Variants in PFDN5 observed in about 807,000 individuals in gnomAD.
PFDN5 encodes c-myc binding protein.
A neutral mutation model predicts 21.5 loss-of-function variants in PFDN5; 13 were observed. The observed-to-expected ratio is 0.60, with a 90% CI of 0.39 to 0.96. The LOEUF (loss-of-function observed/expected upper bound fraction) is 0.96. Ranked by LOEUF, PFDN5 falls within the 40% of genes least tolerant of loss-of-function variation. The pLI, the probability that PFDN5 is intolerant of heterozygous loss-of-function variation, is 0.00. For missense variants in PFDN5, 188 were observed against 186.2 expected, an observed-to-expected ratio of 1.01 and a Z score of -0.06; for synonymous variants, 84 against 68.9, an observed-to-expected ratio of 1.22 and a Z score of -1.08.
chr12:53,296,282 T>C lies in PFDN5; in HGVS notation c.207+7T>C. On this transcript the variant is annotated splice_region_variant and intron_variant, in intron 3 of 5. Coordinates refer to ENST00000334478, the MANE Select transcript of PFDN5 (RefSeq NM_002624.4). The stretch of plus-strand genomic sequence containing the variant: ...CGTCCCACTGACGAGTTCTGTATCC[T>C]TTCCACAGGAACGGCTACCTGCTGC... The C allele has an allele frequency of 6.2e-7, 1 of 1,602,944 alleles. No homozygotes were observed. Among genetic ancestry groups the C allele is most frequent in the Non-Finnish European group, 8.5e-7 (1 of 1,172,482 alleles).
In PFDN5 at chr12:53,299,298, C is replaced by T. The variant is rs1451874311; in HGVS notation, c.418C>T (p.Gln140Ter). ...AVMEMMSQKI[Q>*]QLTALGAAQA... ...CATGGAAATGATGAGTCAGAAGATT[C>T]AGCAGCTCACAGCCCTGGGGGCAGC... The change falls in exon 6 of 6, where the codon CAG becomes TAG. Residue 140 changes from glutamine (Q) to a stop codon, truncating the protein, a stop_gained. Coordinates refer to ENST00000334478, the MANE Select transcript of PFDN5 (RefSeq NM_002624.4). LOFTEE classifies it high-confidence loss of function. 6.2e-7 allele frequency: 1 copy of T among 1,612,794 alleles called. No homozygotes were observed. The highest frequency in any genetic ancestry group is 8.5e-7 in the Non-Finnish European group (1 of 1,179,360).
chr12:53,298,456 T>C, intron 5 of PFDN5: 1 of 261,826 alleles, frequency 3.8e-6, no homozygotes, highest in East Asian at 7.4e-5. Flanking sequence ...TACCAGCAAT[T>C]ATAACCCCGA....
intron 5 of PFDN5, chr12:53,298,529 A>T (rs1251438329): frequency 5.9e-6 from 1 of 168,214 alleles, no homozygotes; most frequent in Non-Finnish European, 1.3e-5. Context: ...AGATTGACTA[A>T]ATCAACTTGG....
chr12:53,296,607 A>G (rs1446460985), intron 3 of PFDN5: 3 of 394,390 alleles, frequency 7.6e-6, no homozygotes, highest in Non-Finnish European at 1.4e-5. Context: ...TGGGGGTTTC[A>G]CCATATTGGC....
chr12:53,295,626 A>C lies in PFDN5; in HGVS notation c.59A>C (p.Asn20Thr). Residue 20 changes from asparagine (N) to threonine (T), a missense_variant, in exon 1 of 6, where the codon AAC (asparagine) becomes ACC (threonine). By Grantham distance (65) the Asn-to-Thr change is moderately conservative (BLOSUM62 0). Coordinates refer to ENST00000334478, the MANE Select transcript of PFDN5 (RefSeq NM_002624.4). ...LNLPQLEMLK[N>T]QLDQEVEFLS... ...CTGCCGCAGCTAGAAATGCTCAAGA[A>C]CCAGCTGGACCAGGTGGGGACGGGC... is the stretch of plus-strand genomic sequence containing the variant. 1.9e-6 allele frequency: 3 copies of C among 1,613,838 alleles called. No individual in the cohort carries two copies. The highest frequency in any genetic ancestry group is 2.5e-6 in the Non-Finnish European group (3 of 1,179,690).
intron 5 of PFDN5, chr12:53,298,573 T>C (rs1161740785): frequency 2.5e-5 from 2 of 81,090 alleles, no homozygotes; most frequent in African/African-American, 8.5e-5. Flanking sequence ...CCAAGGTCTG[T>C]TTTTTTTTAA....
In PFDN5 at chr12:53,299,322, G is replaced by A; in HGVS notation, c.442G>A (p.Ala148Thr). 1 of 1,611,536 alleles carries A rather than the reference G, an allele frequency of 6.2e-7. No homozygotes were observed. The highest frequency in any genetic ancestry group is 8.5e-7 in the Non-Finnish European group (1 of 1,178,510). ...TCAGCAGCTCACAGCCCTGGGGGCA[G>A]CTCAGGCTACTGCTAAGGCCTGAGA... is the stretch of plus-strand genomic sequence containing the variant. Reference protein sequence around the residue: ...KIQQLTALGAAQATAKA With the variant: ...KIQQLTALGATQATAKA Residue 148 changes from alanine (A) to threonine (T), a missense_variant, in exon 6 of 6, where the codon GCT (alanine) becomes ACT (threonine). Ala to Thr is a moderately conservative substitution (Grantham distance 58). Coordinates refer to ENST00000334478, the MANE Select transcript of PFDN5 (RefSeq NM_002624.4).
intron 5 of PFDN5, chr12:53,298,515 T>C (rs1425708247): frequency 5.8e-6 from 1 of 172,788 alleles, no homozygotes; most frequent in Admixed American, 5.6e-5. Context: ...CTTGGGCCCA[T>C]TCCAGATTGA....
chr12:53,298,511 C>G (rs544599501), intron 5 of PFDN5: 1 of 184,738 alleles, frequency 5.4e-6, no homozygotes, highest in South Asian at 1.1e-4. Flanking sequence ...AAAGCTTGGG[C>G]CCATTCCAGA....
At chr12:53,296,691 G>A (rs1944156077) in intron 3 of PFDN5, 1 of 310,140 alleles carries the variant, frequency 3.2e-6, no homozygotes, top group African/African-American at 2.3e-5. Context: ...TACATTACAG[G>A]CGTGAGCCAC....
chr12:53,296,164 T>C, intron 2 of PFDN5, 80 bp from the exon 3 acceptor site: 1 of 1,205,914 alleles, frequency 8.3e-7, no homozygotes, highest in Non-Finnish European at 1.2e-6. Flanking sequence ...GTGGGTGCTG[T>C]GCCCTGTTGG....
At chr12:53,295,759 C>T (rs1013593290) in intron 1 of PFDN5, 80 bp from the exon 2 acceptor site, 3 of 1,253,110 alleles carry the variant, frequency 2.4e-6, no homozygotes, top group African/African-American at 2.9e-5. Context: ...TCTATCCGAT[C>T]CCAGGACCTG....
At chr12:53,295,763 G>A in intron 1 of PFDN5, 76 bp from the exon 2 acceptor site, 1 of 1,254,092 alleles carries the variant, frequency 8.0e-7, no homozygotes, top group Non-Finnish European at 1.2e-6. Context: ...TCCGATCCCA[G>A]GACCTGCCCC....
Position 53,296,025 on chromosome 12 carries a change from A to G in PFDN5, c.175+84A>G, listed in dbSNP as rs1223740582. 27 of 882,518 alleles carry G rather than the reference A, an allele frequency of 3.1e-5. 1 individual carries two copies. In the East Asian group the frequency reaches 6.2e-4, roughly 20 times the overall value. 54.7% of individuals were successfully genotyped at this position (882,518 alleles called of 1,614,324 possible). A position where few individuals can be genotyped will look rare whatever the true frequency, so the allele number is the denominator to read the frequency against. ...CTCCTAACCCAGTTTTTCTTACCTG[A>G]AACGAGAAAATCCATTACATATCGT... On this transcript the variant is annotated intron_variant, in intron 2 of 5. Transcript: ENST00000334478.
At chr12:53,297,028 T>C (rs1166534510) in intron 3 of PFDN5, 2 of 153,322 alleles carry the variant, frequency 1.3e-5, no homozygotes, top group African/African-American at 4.8e-5. Flanking sequence ...TTCAGTGTTT[T>C]ATTTGAATGA....
At chr12:53,297,022 G>T (rs1592503176) in intron 3 of PFDN5, 1 of 153,304 alleles carries the variant, frequency 6.5e-6, no homozygotes, top group African/African-American at 2.4e-5. Flanking sequence ...CACTTGTTCA[G>T]TGTTTTATTT....
intron 3 of PFDN5, 50 bp downstream of exon 3, chr12:53,296,325 CA>C (rs1944149645): frequency 6.8e-7 from 1 of 1,468,302 alleles, no homozygotes. Context: ...CTTTCTCCTT[CA>C]CTCCCCCAAA....
At position 53,299,332 on chromosome 12, in the gene PFDN5, CT is replaced by C; in HGVS notation, c.453del (p.Ala152LeufsTer22). 2 of 1,608,236 alleles carry C rather than the reference CT, an allele frequency of 1.2e-6. No homozygotes were observed. Among genetic ancestry groups the C allele is most frequent in the Admixed American group, 1.7e-5 (1 of 59,944 alleles). On this transcript the variant is annotated frameshift_variant, in exon 6 of 6. Coordinates refer to ENST00000334478, the MANE Select transcript of PFDN5 (RefSeq NM_002624.4). LOFTEE classifies it high-confidence loss of function. Reference protein sequence around the residue: ...QLTALGAAQATAKA With the variant: ...QLTALGAAQAXAKA Reference sequence around the variant, plus strand: ...ACAGCCCTGGGGGCAGCTCAGGCTACTGCTAAGGCCTGAGAGTTTTTGCAGA... The same window carrying C: ...ACAGCCCTGGGGGCAGCTCAGGCTACGCTAAGGCCTGAGAGTTTTTGCAGA...
chr12:53,298,904 G>A (rs1362500269), intron 5 of PFDN5: 1 of 206,256 alleles, frequency 4.8e-6, no homozygotes, highest in South Asian at 6.2e-5. Context: ...GGGAGGCCAA[G>A]GCAGGTGGAT....
Sources: gnomAD v4.1 joint callset for allele counts on GRCh38, gnomAD v4.1.1 for gene constraint, MANE v1.5 for transcripts, NCBI Gene and HGNC (gene_info 2026-07-23, HGNC 2026-07-21) for gene names.